The following ACSF3 variants were observed in gnomAD, a reference collection of about 807,000 sequenced individuals.
ACSF3 encodes the protein malonate--CoA ligase ACSF3, mitochondrial.
A neutral mutation model predicts 53.2 loss-of-function variants in ACSF3; 78 were observed. That is an observed-to-expected ratio of 1.47 (90% CI 1.22 to 1.77). The LOEUF is 1.77. Ranked by LOEUF, ACSF3 falls within the 40% of genes most tolerant of loss-of-function variation. ACSF3 has a pLI of 0.00. For synonymous variants in ACSF3, 414 were observed against 333.1 expected (o/e 1.24, Z -2.65); for missense variants, 937 against 771.1 (o/e 1.22, Z -2.55).
rs1201336080 is a variant in ACSF3 at position 89,102,722 on chromosome 16, C to A, written c.785C>A (p.Ala262Asp). ...NALLCPLWVG[A>D]TCVMMPEFSP... ...CTGCTCTGTCCTCTCTGGGTGGGAG[C>A]CACCTGTGTGATGATGCCTGAGTTC... Residue 262 changes from alanine (A) to aspartate (D), a missense_variant, in exon 4 of 11, where the codon GCC becomes GAC. Ala to Asp is a moderately radical substitution (Grantham distance 126, BLOSUM62 -2). Transcript: ENST00000614302. 2 of 1,612,994 alleles carry A rather than the reference C, an allele frequency of 1.2e-6. No individual in the cohort carries two copies. Among genetic ancestry groups the A allele is most frequent in the Admixed American group, 1.7e-5 (1 of 59,992 alleles).
intron 9 of ACSF3, 36 bp downstream of exon 9, chr16:89,145,437 A>G: frequency 2.5e-6 from 4 of 1,612,106 alleles, no homozygotes; most frequent in Non-Finnish European, 3.4e-6. Flanking sequence ...AGGCCAGGCT[A>G]GACGGGTGCT....
At chr16:89,121,065 A>C in intron 7 of ACSF3, 152 bp downstream of exon 7, 2 of 690,926 alleles carry the variant, frequency 2.9e-6, no homozygotes, top group Non-Finnish European at 4.9e-6. Context: ...CTGGTGTTGC[A>C]AGGGCACTGG....
In ACSF3 at chr16:89,096,413, G is replaced by A. The variant is rs573786856; in HGVS notation, c.-193-2178G>A. 1.7e-3 allele frequency among the ~76,000 whole-genome samples: 254 copies of A among 152,298 alleles called. 2 individuals carry two copies. Among genetic ancestry groups the A allele is most frequent in the Admixed American group, 3.3e-3 (51 of 15,308 alleles). On this transcript the variant is annotated intron_variant, in intron 1 of 10. Coordinates refer to ENST00000614302, the MANE Select transcript of ACSF3 (RefSeq NM_001243279.3). Reference sequence around the variant, plus strand: ...ACCGGGAGGTGTGCAGGAAGACCGCGCACAGCCATCTGCCCTGAGTAGGCT... The same window carrying A: ...ACCGGGAGGTGTGCAGGAAGACCGCACACAGCCATCTGCCCTGAGTAGGCT...
At chr16:89,132,827 A>G (rs1476421317) in intron 7 of ACSF3, among the ~76,000 whole-genome samples, 1 of 152,238 alleles carries the variant, frequency 6.6e-6, no homozygotes, top group Non-Finnish European at 1.5e-5. Context: ...GGCCGGTAAC[A>G]TGCTCAAGTC....
chr16:89,141,552 C>G (rs1911765358), intron 8 of ACSF3, among the ~76,000 whole-genome samples: 1 of 144,040 alleles, frequency 6.9e-6, no homozygotes, highest in African/African-American at 2.4e-5. Context: ...TAGAGGGGGC[C>G]TTTGCCAGGA....
intron 7 of ACSF3, among the ~76,000 whole-genome samples, chr16:89,132,872 T>C (rs1272164447): frequency 6.6e-6 from 1 of 152,248 alleles, no homozygotes; most frequent in African/African-American, 2.4e-5. Flanking sequence ...CTTCTGTGGC[T>C]GTTCTGGGAG....
intron 10 of ACSF3, chr16:89,147,522 A>AGG (rs1555580542): frequency 2.3e-4 from 1 of 4,306 alleles, no homozygotes; most frequent in Admixed American, 2.4e-3. Flanking sequence ...TCACAGAGTG[A>AGG]GCGGGGGGGG....
At chr16:89,103,264 C>A (rs898866254) in intron 4 of ACSF3, among the ~76,000 whole-genome samples, 2 of 152,262 alleles carry the variant, frequency 1.3e-5, no homozygotes, top group African/African-American at 2.4e-5. Context: ...GGCGAATGCT[C>A]ACGCGCTTGG....
intron 8 of ACSF3, chr16:89,141,349 T>G: frequency 8.0e-7 from 1 of 1,255,206 alleles, no homozygotes; most frequent in Non-Finnish European, 1.0e-6. Flanking sequence ...TGCTCTGTGC[T>G]GAGAAGCTAG....
intron 7 of ACSF3, among the ~76,000 whole-genome samples, chr16:89,123,547 TG>T (rs1254900395): frequency 6.6e-6 from 1 of 152,106 alleles, no homozygotes; most frequent in East Asian, 1.9e-4. Flanking sequence ...TGCCGAGGCG[TG>T]GGTCCCGGCC....
At chr16:89,107,659 A>G (rs1301207192) in intron 4 of ACSF3, among the ~76,000 whole-genome samples, 1 of 152,248 alleles carries the variant, frequency 6.6e-6, no homozygotes, top group Non-Finnish European at 1.5e-5. Context: ...TGTGGCTATT[A>G]GAAGTCACGG....
intron 1 of ACSF3, among the ~76,000 whole-genome samples, chr16:89,094,439 C>A (rs1013285958): frequency 6.6e-6 from 1 of 152,218 alleles, no homozygotes; most frequent in Non-Finnish European, 1.5e-5. Context: ...CGGCCTAGCC[C>A]CTGAGGGCAT....
intron 10 of ACSF3, chr16:89,149,664 G>C (rs368996611): frequency 6.6e-6 from 1 of 152,274 alleles, no homozygotes; most frequent in Non-Finnish European, 1.5e-5. Context: ...AGCTCTCAGC[G>C]GAGAGGGTAT....
At chr16:89,116,085 G>A (rs1325599630) in intron 6 of ACSF3, among the ~76,000 whole-genome samples, 7 of 152,190 alleles carry the variant, frequency 4.6e-5, no homozygotes, top group Admixed American at 2.0e-4. Flanking sequence ...CAGCTCTTAC[G>A]TTTGGGACCA....
At position 89,102,754 on chromosome 16, in the gene ACSF3, C is replaced by A; in HGVS notation, c.817C>A (p.Gln273Lys). 6.2e-7 allele frequency: 1 copy of A among 1,612,630 alleles called. No individual in the cohort carries two copies. The highest frequency in any genetic ancestry group is 2.2e-5 in the East Asian group (1 of 44,870). ...TGTGATGATGCCTGAGTTCAGCCCTCAGCAGGTGAGTTGGGGTCAGGGCTC... is the reference window on the plus strand; with the variant it reads ...TGTGATGATGCCTGAGTTCAGCCCTAAGCAGGTGAGTTGGGGTCAGGGCTC... ...TCVMMPEFSP[Q>K]QVWEKFLSSE... The change falls in exon 4 of 11, where the codon CAG becomes AAG. Residue 273 changes from glutamine to lysine, a missense_variant. Gln to Lys is a moderately conservative substitution (Grantham distance 53, BLOSUM62 1). Transcript: ENST00000614302.
chr16:89,106,406 C>T (rs1358551884), intron 4 of ACSF3, among the ~76,000 whole-genome samples: 2 of 151,952 alleles, frequency 1.3e-5, no homozygotes, highest in African/African-American at 4.8e-5. Flanking sequence ...GATTCTCCTG[C>T]CTCAGCCTCC....
Position 89,155,754 on chromosome 16 carries a change from A to G in ACSF3, c.*1547A>G. 2 of 452,588 alleles carry G rather than the reference A, an allele frequency of 4.4e-6. No individual in the cohort carries two copies. The highest frequency in any genetic ancestry group is 3.1e-5 in the South Asian group (2 of 64,148). 28.0% of individuals were successfully genotyped at this position (452,588 alleles called of 1,614,324 possible). On this transcript the variant is annotated 3_prime_UTR_variant, in exon 11 of 11. Coordinates refer to ENST00000614302, the MANE Select transcript of ACSF3 (RefSeq NM_001243279.3). ...TTTAACATAGCAAAATTTTTACTTA[A>G]TTCCACTAATTTTACATTTGCATCT... is the stretch of plus-strand genomic sequence containing the variant.
At chr16:89,100,414 AT>A (rs1297843199) in intron 2 of ACSF3, among the ~76,000 whole-genome samples, 2 of 152,214 alleles carry the variant, frequency 1.3e-5, no homozygotes, top group Non-Finnish European at 2.9e-5. Flanking sequence ...ATTGTTTAGA[AT>A]TTTGTGTGGT....
chr16:89,146,012 C>T lies in ACSF3; in HGVS notation c.1576C>T (p.His526Tyr), dbSNP rs1597250393. Residue 526 changes from histidine (H) to tyrosine (Y), a missense_variant, in exon 10 of 11, where the codon CAC (histidine) becomes TAC (tyrosine). His to Tyr is a moderately conservative substitution (Grantham distance 83). Coordinates refer to ENST00000614302, the MANE Select transcript of ACSF3 (RefSeq NM_001243279.3). ...TGCTGTGGTGACCCTCCGAGAAGGACACTCACTGTCCCACAGGGAGCTCAA... is the reference window on the plus strand; with the variant it reads ...TGCTGTGGTGACCCTCCGAGAAGGATACTCACTGTCCCACAGGGAGCTCAA... ...VTAVVTLREG[H>Y]SLSHRELKEW... 5 of 1,563,116 alleles carry T rather than the reference C, an allele frequency of 3.2e-6. No individual in the cohort carries two copies. The highest frequency in any genetic ancestry group is 4.4e-6 in the Non-Finnish European group (5 of 1,147,136).
Sources: allele counts gnomAD v4.1 joint callset (sites outside exome capture counted in the v4.1 genomes callset), GRCh38; gene constraint gnomAD v4.1.1; transcripts MANE v1.5; gene names NCBI Gene and HGNC (gene_info 2026-07-23, HGNC 2026-07-21).